SETD2: variants seen among roughly 807,000 people sequenced by gnomAD.
The protein encoded by SETD2 is histone-lysine N-methyltransferase SETD2.
SETD2 carries 31 observed loss-of-function variants against 242.1 expected under a neutral mutation model. The observed-to-expected ratio is 0.13, with a 90% CI of 0.10 to 0.17. The LOEUF is 0.17. Among genes scored for constraint, SETD2 ranks in the 10% least tolerant of loss-of-function variants. The probability of loss-of-function intolerance (pLI) is 1.00; values close to 1 mark genes in which losing one functional copy is unlikely to be tolerated. For missense variants in SETD2, 2,481 were observed against 3,046.3 expected (o/e 0.81, Z 4.37); for synonymous variants, 1,006 against 1,066.5 (o/e 0.94, Z 1.11).
intron 12 of SETD2, among the ~76,000 whole-genome samples, chr3:47,073,377 T>C (rs970227311): frequency 6.6e-6 from 1 of 152,018 alleles, no homozygotes; most frequent in Non-Finnish European, 1.5e-5. Flanking sequence ...TACTGAGCAA[T>C]AAGGCTAAGA....
chr3:47,113,779 C>G lies in SETD2; in HGVS notation c.4715+97G>C, dbSNP rs2042748207. 4 of 1,197,094 alleles carry G rather than the reference C, an allele frequency of 3.3e-6. No individual in the cohort carries two copies. In the South Asian group the frequency reaches 6.5e-5, roughly 20 times the overall value. 74.2% of individuals were successfully genotyped at this position (1,197,094 alleles called of 1,614,324 possible). ...GCTTGAATCCGGGAGGTAGAGGTTCCAGTGAGCCAAGATCGTGCCACTGCA... is the reference window on the plus strand; with the variant it reads ...GCTTGAATCCGGGAGGTAGAGGTTCGAGTGAGCCAAGATCGTGCCACTGCA... On this transcript the variant is annotated intron_variant, in intron 5 of 20. Coordinates refer to ENST00000409792, the MANE Select transcript of SETD2 (RefSeq NM_014159.7).
chr3:47,122,283 A>T lies in SETD2; in HGVS notation c.2353T>A (p.Cys785Ser), dbSNP rs2106674240. Residue 785 changes from cysteine to serine, a missense_variant, in exon 3 of 21, where the codon TGC becomes AGC. By Grantham distance (112) the Cys-to-Ser change is moderately radical. Around this residue, in one of 17 missense-constraint regions of SETD2, gnomAD observed 1,300 missense variants for 1,259.2 expected, o/e 1.03. Transcript: ENST00000409792. ...ATGTCTGAATCTTTGGTTTTGCAGC[A>T]AGAAACCCTCGTATCAACTGGTTCT... ...VKEPVDTRVS[C>S]CKTKDSDIYC... 1 of 1,614,174 alleles carries T rather than the reference A, an allele frequency of 6.2e-7. No homozygotes were observed. The highest frequency in any genetic ancestry group is 8.5e-7 in the Non-Finnish European group (1 of 1,180,014).
chr3:47,112,115 C>CT lies in SETD2; in HGVS notation c.4715+1760dup, dbSNP rs11319249. On this transcript the variant is annotated intron_variant, in intron 5 of 20. Coordinates refer to ENST00000409792, the MANE Select transcript of SETD2 (RefSeq NM_014159.7). ...AGGCACTTGACCTTCATTAAGAATA[C>CT]TTTTTTTTTTTTTTTTTGGAGACAG... is the stretch of plus-strand genomic sequence containing the variant. Among the ~76,000 whole-genome samples the CT allele has an allele frequency of 4.6e-3, 590 of 128,672 alleles. 4 individuals are homozygous for CT. The highest frequency in any genetic ancestry group is 9.1e-3 in the East Asian group (40 of 4,376). 84.4% of individuals were successfully genotyped at this position (128,672 alleles called of 152,430 possible).
rs149642809 is a variant in SETD2 at position 47,026,781 on chromosome 3, G to A, written c.7351-6941C>T. On this transcript the variant is annotated intron_variant, in intron 18 of 20. Transcript: ENST00000409792. Reference sequence around the variant, plus strand: ...TGAGAACACATGGATACAGGAAGGGGAACATCACACACTGGGGCCTGTCAG... The same window carrying A: ...TGAGAACACATGGATACAGGAAGGGAAACATCACACACTGGGGCCTGTCAG... Among the ~76,000 whole-genome samples the A allele has an allele frequency of 9.8e-3, 1,486 of 151,930 alleles. 30 individuals are homozygous for A. The highest frequency in any genetic ancestry group is 0.035 in the African/African-American group (1,432 of 41,396).
At chr3:47,049,345 A>ATG (rs1553682175) in intron 15 of SETD2, among the ~76,000 whole-genome samples, 30 of 111,164 alleles carry the variant, frequency 2.7e-4, no homozygotes, top group Non-Finnish European at 4.9e-4. Context: ...ATATATATAT[A>ATG]TATGTATTCT....
rs774344041 is a variant in SETD2 at position 47,086,224 on chromosome 3, G to A, written c.5368C>T (p.Arg1790Trp). Residue 1790 changes from arginine (R) to tryptophan (W), a missense_variant, in exon 11 of 21, where the codon CGG becomes TGG. Around this residue, in one of 17 missense-constraint regions of SETD2, gnomAD observed 62 missense variants for 136.7 expected, o/e 0.45. Transcript: ENST00000409792. ...TCCTGAAGCTTCTGGTTACTTTCCC[G>A]GCCGTCACCTAGCTCTGCCATCCAG... ...WIWMAELGDGRESNQKLQEEI... is the reference protein window; with the variant it reads ...WIWMAELGDGWESNQKLQEEI... 1.1e-5 allele frequency: 18 copies of A among 1,613,034 alleles called. No homozygotes were observed. Among genetic ancestry groups the A allele is most frequent in the Admixed American group, 1.7e-5 (1 of 59,954 alleles).
At chr3:47,087,746 C>G (rs924648005) in intron 10 of SETD2, among the ~76,000 whole-genome samples, 1 of 152,126 alleles carries the variant, frequency 6.6e-6, no homozygotes. Context: ...ACGGGTGGAT[C>G]ATCTGAGGTC....
intron 1 of SETD2, among the ~76,000 whole-genome samples, chr3:47,163,276 A>G (rs928509617): frequency 6.6e-6 from 1 of 152,234 alleles, no homozygotes; most frequent in Non-Finnish European, 1.5e-5. Flanking sequence ...TCCCAGGAGG[A>G]AAAAATCAAA....
intron 1 of SETD2, among the ~76,000 whole-genome samples, chr3:47,143,274 A>C (rs2043775034): frequency 6.6e-6 from 1 of 152,196 alleles, no homozygotes; most frequent in African/African-American, 2.4e-5. Context: ...ACCGTGAGCA[A>C]CAGAGCAAGA....
rs184493846 is a variant in SETD2, at chr3:47,121,631, G to A, written c.3005C>T (p.Ser1002Phe). The change falls in exon 3 of 21, where the codon TCT (serine) becomes TTT (phenylalanine). Residue 1002 changes from serine (S) to phenylalanine (F), a missense_variant. Ser to Phe is a radical substitution (Grantham distance 155). This residue lies in a region of SETD2 where 1,300 missense variants were observed against 1,259.2 expected (regional missense o/e 1.03). Transcript: ENST00000409792. ...TTCCATGGTTAAATTCAAATCACAA[G>A]AAGAAAATACAACTTCTGAGTCATC... ...TSDDSEVVFS[S>F]CDLNLTMEDS... 6.2e-6 allele frequency: 10 copies of A among 1,614,112 alleles called. 1 individual carries two copies. In the African/African-American group the frequency reaches 8.0e-5, roughly 13 times the overall value.
At position 47,120,221 on chromosome 3, in the gene SETD2, T is replaced by C. The variant is rs1298245513; in HGVS notation, c.4415A>G (p.Tyr1472Cys). The C allele has an allele frequency of 6.4e-7, 1 of 1,574,662 alleles. No homozygotes were observed. The highest frequency in any genetic ancestry group is 8.6e-7 in the Non-Finnish European group (1 of 1,162,590). ...AACATTTTCTTCAATAAGATCAAAG[T>C]AACATGGCATTTTCCCTTGCTTGGC... is the stretch of plus-strand genomic sequence containing the variant. ...ECAKQGKMPC[Y>C]FDLIEENVYL... Residue 1472 changes from tyrosine (Y) to cysteine (C), a missense_variant, in exon 3 of 21, where the codon TAC becomes TGC. Coordinates refer to ENST00000409792, the MANE Select transcript of SETD2 (RefSeq NM_014159.7).
At chr3:47,153,696 TGAACTGGGATC>T (rs1048962552) in intron 1 of SETD2, among the ~76,000 whole-genome samples, 10 of 150,666 alleles carry the variant, frequency 6.6e-5, no homozygotes, top group African/African-American at 2.4e-4. Context: ...GAGGCTACAG[TGAACTGGGATC>T]ATACCACTGC....
chr3:47,034,202 C>T (rs1010023659), intron 18 of SETD2, among the ~76,000 whole-genome samples: 3 of 152,138 alleles, frequency 2.0e-5, no homozygotes, highest in Non-Finnish European at 4.4e-5. Context: ...ATAAAAGTGC[C>T]TCTCCAATCT....
In SETD2 at chr3:47,113,874, A is replaced by G. The variant is rs2107718473; in HGVS notation, c.4715+2T>C. The G allele has an allele frequency of 6.2e-7, 1 of 1,606,210 alleles. No individual in the cohort carries two copies. On this transcript the variant is annotated splice_donor_variant, in intron 5 of 20. Coordinates refer to ENST00000409792, the MANE Select transcript of SETD2 (RefSeq NM_014159.7). LOFTEE classifies it high-confidence loss of function. The stretch of plus-strand genomic sequence containing the variant: ...GTGAAAGGTAATTAAAAAAGAACTT[A>G]CGAAGGAAGGTCTTTGGCAGCTCTC...
intron 15 of SETD2, among the ~76,000 whole-genome samples, chr3:47,049,864 A>AC (rs2039738224): frequency 6.9e-6 from 1 of 144,224 alleles, no homozygotes; most frequent in Non-Finnish European, 1.5e-5. Context: ...TAATATATAA[A>AC]TTTATTCTGA....
intron 16 of SETD2, among the ~76,000 whole-genome samples, chr3:47,045,742 G>A (rs1394784788): frequency 6.7e-6 from 1 of 148,700 alleles, no homozygotes; most frequent in African/African-American, 2.5e-5. Context: ...AAAATACAAG[G>A]TCAGGGTAAA....
intron 1 of SETD2, among the ~76,000 whole-genome samples, chr3:47,160,744 T>A (rs917023235): frequency 2.0e-5 from 3 of 152,200 alleles, no homozygotes; most frequent in African/African-American, 7.2e-5. Flanking sequence ...TTCAAAGACC[T>A]GCACCTCTAT....
chr3:47,138,945 C>T (rs1019022404), intron 1 of SETD2, among the ~76,000 whole-genome samples: 2 of 152,090 alleles, frequency 1.3e-5, no homozygotes, highest in African/African-American at 2.4e-5. Context: ...TCTTGTTCAA[C>T]GTCTTTCTTT....
At chr3:47,053,274 C>T (rs1036440419) in intron 15 of SETD2, among the ~76,000 whole-genome samples, 31 of 152,086 alleles carry the variant, frequency 2.0e-4, no homozygotes, top group African/African-American at 7.2e-4. Flanking sequence ...TTTCTGTTAC[C>T]ACCTCTAGAA....
Sources: gnomAD v4.1 joint callset for allele counts (sites outside exome capture counted in the v4.1 genomes callset) on GRCh38, gnomAD v4.1.1 for gene constraint, gnomAD v4.1.1 regional missense constraint, MANE v1.5 for transcripts, NCBI Gene and HGNC (gene_info 2026-07-23, HGNC 2026-07-21) for gene names.